Variants in AGBL4 observed in about 807,000 individuals in gnomAD.
The protein encoded by AGBL4 is AGBL carboxypeptidase 4.
AGBL4 carries 58 observed loss-of-function variants against 66.4 expected under a neutral mutation model. The ratio of observed to expected loss-of-function variants is 0.87; its 90% CI spans 0.71 to 1.09. The LOEUF is 1.09. Among genes scored for constraint, AGBL4 ranks in the 50% least tolerant of loss-of-function variants. AGBL4 has a pLI of 0.00. For missense variants in AGBL4, 579 were observed against 631.0 expected, an observed-to-expected ratio of 0.92 and a Z score of 0.88; for synonymous variants, 234 against 222.9, an observed-to-expected ratio of 1.05 and a Z score of -0.44.
chr1:49,949,516 AC>A (rs1655878982), intron 1 of AGBL4, among the ~76,000 whole-genome samples: 1 of 151,898 alleles, frequency 6.6e-6, no homozygotes, highest in African/African-American at 2.4e-5. Flanking sequence ...CAAGAAAAAA[AC>A]AAACAATCCC....
At chr1:49,878,429 T>C (rs374058614) in intron 1 of AGBL4, among the ~76,000 whole-genome samples, 28 of 151,822 alleles carry the variant, frequency 1.8e-4, no homozygotes, top group Non-Finnish European at 2.6e-4. Flanking sequence ...CCAGTAGTCA[T>C]TCAGGAGCAG....
At chr1:49,333,158 G>A (rs554462336) in intron 3 of AGBL4, among the ~76,000 whole-genome samples, 2 of 151,870 alleles carry the variant, frequency 1.3e-5, no homozygotes. Context: ...CTGCACATGT[G>A]TCCCAGAACT....
At chr1:49,107,694 T>TGTGTGAGAGAGAGA (rs764451269) in intron 4 of AGBL4, among the ~76,000 whole-genome samples, 1 of 113,944 alleles carries the variant, frequency 8.8e-6, no homozygotes, top group Non-Finnish European at 1.7e-5. Flanking sequence ...TGTGTGTGTG[T>TGTGTGAGAGAGAGA]GAGAGAGAGA....
chr1:49,876,060 C>T (rs1413866045), intron 1 of AGBL4, among the ~76,000 whole-genome samples: 3 of 147,852 alleles, frequency 2.0e-5, no homozygotes, highest in Admixed American at 1.3e-4. Flanking sequence ...GATATTAGCC[C>T]TTTGTCAGAT....
intron 9 of AGBL4, among the ~76,000 whole-genome samples, chr1:48,625,383 T>C (rs895495039): frequency 6.6e-6 from 1 of 152,080 alleles, no homozygotes; most frequent in Admixed American, 6.6e-5. Flanking sequence ...CTAACACACA[T>C]TCATTGAGGG....
At chr1:48,964,726 A>AAAAT (rs752833661) in intron 5 of AGBL4, among the ~76,000 whole-genome samples, 2 of 152,128 alleles carry the variant, frequency 1.3e-5, no homozygotes, top group East Asian at 1.9e-4. Context: ...CTCCAAAGTG[A>AAAAT]AAATAAATAA....
At chr1:49,736,485 A>G (rs1273952104) in intron 2 of AGBL4, among the ~76,000 whole-genome samples, 1 of 152,260 alleles carries the variant, frequency 6.6e-6, no homozygotes, top group Admixed American at 6.5e-5. Context: ...TGCCCTATAT[A>G]ACAAATGGAT....
intron 11 of AGBL4, among the ~76,000 whole-genome samples, chr1:48,554,404 G>A (rs766634423): frequency 7.2e-5 from 11 of 152,282 alleles, no homozygotes; most frequent in Non-Finnish European, 1.3e-4. Context: ...TTGCTTCACA[G>A]TTTCACCAAA....
intron 13 of AGBL4, 88 bp downstream of exon 13, chr1:48,534,802 A>T: frequency 4.4e-6 from 6 of 1,356,622 alleles, no homozygotes; most frequent in Non-Finnish European, 6.1e-6. Context: ...CTAACATAAC[A>T]AGGCTGCCAG....
intron 5 of AGBL4, among the ~76,000 whole-genome samples, chr1:48,897,403 G>A (rs3121527): frequency 0.9 from 136,908 of 152,222 alleles, 61,959 homozygotes; most frequent in Non-Finnish European, 0.96. Flanking sequence ...GGTTGATTCC[G>A]TATCTTGGCT....
intron 5 of AGBL4, among the ~76,000 whole-genome samples, chr1:48,919,349 C>T (rs1653888786): frequency 6.6e-6 from 1 of 152,192 alleles, no homozygotes; most frequent in Non-Finnish European, 1.5e-5. Flanking sequence ...CTTACATTTA[C>T]CTGCTGCTGG....
chr1:49,421,989 G>A (rs1363507968), intron 3 of AGBL4, among the ~76,000 whole-genome samples: 1 of 152,028 alleles, frequency 6.6e-6, no homozygotes, highest in Non-Finnish European at 1.5e-5. Context: ...GTCTTTCATT[G>A]CAGTAACTCC....
intron 1 of AGBL4, among the ~76,000 whole-genome samples, chr1:49,883,308 T>C (rs1253874276): frequency 2.0e-5 from 3 of 152,104 alleles, no homozygotes; most frequent in Non-Finnish European, 4.4e-5. Flanking sequence ...TTTTTCCTTA[T>C]GGAGAAGTCC....
At chr1:50,011,882 G>A (rs1216238735) in intron 1 of AGBL4, among the ~76,000 whole-genome samples, 4 of 152,174 alleles carry the variant, frequency 2.6e-5, no homozygotes, top group East Asian at 1.9e-4. Context: ...TTTACCGGCC[G>A]GGCGCGATGG....
At chr1:49,217,614 C>A (rs1218703753) in intron 4 of AGBL4, among the ~76,000 whole-genome samples, 1 of 152,050 alleles carries the variant, frequency 6.6e-6, no homozygotes, top group Non-Finnish European at 1.5e-5. Flanking sequence ...CTTTTTGTGG[C>A]TGAGTGCATC....
intron 2 of AGBL4, among the ~76,000 whole-genome samples, chr1:49,749,780 C>T (rs1007957488): frequency 3.3e-5 from 5 of 152,084 alleles, no homozygotes; most frequent in African/African-American, 1.2e-4. Flanking sequence ...TAGTTCTCCC[C>T]AATGTGTGTA....
chr1:48,886,709 C>T (rs973718989), intron 5 of AGBL4, among the ~76,000 whole-genome samples: 6 of 152,144 alleles, frequency 3.9e-5, no homozygotes, highest in East Asian at 3.9e-4. Context: ...CCTGCCACCA[C>T]GCCTGGCTAA....
chr1:49,374,013 T>G (rs549791585), intron 3 of AGBL4, among the ~76,000 whole-genome samples: 1 of 152,194 alleles, frequency 6.6e-6, no homozygotes, highest in East Asian at 1.9e-4. Context: ...TCAATCAAAA[T>G]CATAAAATAA....
At chr1:48,585,192 C>G (rs1644799838) in intron 11 of AGBL4, 1 of 152,168 alleles carries the variant, frequency 6.6e-6, no homozygotes, top group Non-Finnish European at 1.5e-5. Flanking sequence ...TCTTCTAAGA[C>G]AGAAGCATGT....
Sources: allele counts gnomAD v4.1 joint callset (sites outside exome capture counted in the v4.1 genomes callset), GRCh38; gene constraint gnomAD v4.1.1; transcripts MANE v1.5; gene names NCBI Gene and HGNC (gene_info 2026-07-23, HGNC 2026-07-21).